Variants in PREX2 observed in about 807,000 individuals in gnomAD.
PREX2 encodes phosphatidylinositol-3,4,5-trisphosphate dependent Rac exchange factor 2.
PREX2 carries 107 observed loss-of-function variants against 203.2 expected under a neutral mutation model. The observed-to-expected ratio is 0.53, with a 90% CI of 0.45 to 0.62. The LOEUF (loss-of-function observed/expected upper bound fraction) is 0.62. Ranked by LOEUF, PREX2 falls within the 20% of genes least tolerant of loss-of-function variation. PREX2 has a pLI of 0.00. For synonymous variants in PREX2, 672 were observed against 663.6 expected, an observed-to-expected ratio of 1.01 and a Z score of -0.19; for missense variants, 1,777 against 1,955.9, an observed-to-expected ratio of 0.91 and a Z score of 1.72.
At position 68,234,108 on chromosome 8, in the gene PREX2, G is replaced by T. The variant is rs886298187; in HGVS notation, c.*2730G>T. On this transcript the variant is annotated 3_prime_UTR_variant, in exon 40 of 40. Coordinates refer to ENST00000288368, the MANE Select transcript of PREX2 (RefSeq NM_024870.4). The stretch of plus-strand genomic sequence containing the variant: ...CTCCTCATCAAAAATAACAGTTTTA[G>T]ATAGTACATCTCATACAACTTTATT... 7.2e-5 allele frequency: 11 copies of T among 152,160 alleles called. No individual in the cohort carries two copies. Among genetic ancestry groups the T allele is most frequent in the Admixed American group, 7.2e-4 (11 of 15,266 alleles). The allele number at this position is 152,160 out of a possible 1,614,324, so 9.4% of individuals were successfully genotyped here. A position where few individuals can be genotyped will look rare whatever the true frequency, so the allele number is the denominator to read the frequency against.
At chr8:67,952,637 C>G in intron 1 of PREX2, 102 bp downstream of exon 1, 1 of 1,470,496 alleles carries the variant, frequency 6.8e-7, no homozygotes. Flanking sequence ...TGCGGGGACC[C>G]GGGACGGGTC....
At chr8:67,959,727 G>C (rs955868315) in intron 1 of PREX2, among the ~76,000 whole-genome samples, 1 of 152,174 alleles carries the variant, frequency 6.6e-6, no homozygotes, top group Non-Finnish European at 1.5e-5. Flanking sequence ...TGCTTCTCCA[G>C]TGTACAGCTA....
At chr8:68,200,160 T>C (rs1203924134) in intron 37 of PREX2, among the ~76,000 whole-genome samples, 1 of 152,130 alleles carries the variant, frequency 6.6e-6, no homozygotes, top group Non-Finnish European at 1.5e-5. Flanking sequence ...TCAGAAGAAA[T>C]ATTTTTTCTA....
chr8:67,983,908 C>G (rs1006347223), intron 1 of PREX2, among the ~76,000 whole-genome samples: 3 of 152,140 alleles, frequency 2.0e-5, no homozygotes, highest in African/African-American at 7.2e-5. Flanking sequence ...CATAGGGTTG[C>G]TGTGAAGATT....
chr8:67,966,357 T>C (rs1805778773), intron 1 of PREX2, among the ~76,000 whole-genome samples: 1 of 152,130 alleles, frequency 6.6e-6, no homozygotes, highest in Non-Finnish European at 1.5e-5. Context: ...ATGTCACAAT[T>C]CAAAGTTCCA....
intron 6 of PREX2, among the ~76,000 whole-genome samples, chr8:68,037,346 T>C (rs750300206): frequency 6.1e-4 from 93 of 152,216 alleles, no homozygotes; most frequent in Admixed American, 2.6e-3. Flanking sequence ...GCATTAGTTA[T>C]GATAGATTAG....
intron 33 of PREX2, among the ~76,000 whole-genome samples, chr8:68,145,399 TAC>T (rs1322359751): frequency 6.6e-6 from 1 of 152,180 alleles, no homozygotes; most frequent in Non-Finnish European, 1.5e-5. Flanking sequence ...TACTTTTATA[TAC>T]AGTTTTATTT....
At chr8:67,998,258 A>T (rs549684968) in intron 1 of PREX2, among the ~76,000 whole-genome samples, 2 of 152,268 alleles carry the variant, frequency 1.3e-5, no homozygotes, top group South Asian at 2.1e-4. Flanking sequence ...TCTCAGAAGG[A>T]TGCCTCTAAG....
intron 29 of PREX2, 53 bp downstream of exon 29, chr8:68,120,339 G>A: frequency 1.6e-6 from 2 of 1,228,278 alleles, no homozygotes; most frequent in Admixed American, 1.7e-5. Context: ...CAAGGTGGTA[G>A]ACAATATAGT....
intron 20 of PREX2, 106 bp from the exon 21 acceptor site, chr8:68,093,499 C>G (rs1809956993): frequency 4.4e-6 from 2 of 459,076 alleles, no homozygotes; most frequent in Admixed American, 6.2e-5. Flanking sequence ...TCAAATTTTA[C>G]TAATTTTAAA....
At chr8:68,086,093 G>A (rs1439716698) in intron 18 of PREX2, among the ~76,000 whole-genome samples, 2 of 152,126 alleles carry the variant, frequency 1.3e-5, no homozygotes, top group Non-Finnish European at 2.9e-5. Context: ...GTTATTCAAA[G>A]GAAATGAATA....
chr8:68,159,192 A>G (rs988001576), intron 35 of PREX2, among the ~76,000 whole-genome samples: 2 of 152,202 alleles, frequency 1.3e-5, no homozygotes, highest in Non-Finnish European at 2.9e-5. Context: ...GCAAATAATA[A>G]AACTCAAAAA....
At chr8:68,173,148 GT>G (rs1811912211) in intron 35 of PREX2, among the ~76,000 whole-genome samples, 1 of 152,162 alleles carries the variant, frequency 6.6e-6, no homozygotes, top group Admixed American at 6.6e-5. Flanking sequence ...CATAAAAATA[GT>G]TGAATTGAAT....
At chr8:68,047,469 T>TTATATATA (rs3056653) in intron 8 of PREX2, among the ~76,000 whole-genome samples, 37 of 117,594 alleles carry the variant, frequency 3.1e-4, no homozygotes, top group Non-Finnish European at 4.5e-4. Context: ...ATGGATGAAT[T>TTATATATA]TATATATATA....
chr8:68,047,466 AATTTATATATAT>A (rs1487216580), intron 8 of PREX2, among the ~76,000 whole-genome samples: 7 of 64,210 alleles, frequency 1.1e-4, no homozygotes, highest in Non-Finnish European at 1.4e-4. Context: ...AAAATGGATG[AATTTATATATAT>A]ATATATATAT....
chr8:68,057,375 C>T (rs996512974), intron 10 of PREX2, among the ~76,000 whole-genome samples: 3 of 152,112 alleles, frequency 2.0e-5, no homozygotes, highest in Non-Finnish European at 2.9e-5. Flanking sequence ...GACTAATACA[C>T]CCAGTCTCAG....
At chr8:68,154,607 G>A (rs1811505797) in intron 34 of PREX2, among the ~76,000 whole-genome samples, 1 of 152,194 alleles carries the variant, frequency 6.6e-6, no homozygotes, top group African/African-American at 2.4e-5. Context: ...TATTTTATCA[G>A]GGAGAGTTTC....
chr8:68,208,551 C>T (rs1268707756), intron 37 of PREX2, among the ~76,000 whole-genome samples: 3 of 152,146 alleles, frequency 2.0e-5, no homozygotes, highest in African/African-American at 7.2e-5. Context: ...TCTAACACAT[C>T]TGTTTCATGC....
At chr8:68,231,303 C>T in intron 39 of PREX2, 30 bp from the exon 40 acceptor site, 1 of 1,544,670 alleles carries the variant, frequency 6.5e-7, no homozygotes, top group Non-Finnish European at 8.7e-7. Flanking sequence ...TACACTAAGT[C>T]ACTGTCAAAC....
Sources: gnomAD v4.1 joint callset for allele counts (sites outside exome capture counted in the v4.1 genomes callset) on GRCh38, gnomAD v4.1.1 for gene constraint, MANE v1.5 for transcripts, NCBI Gene and HGNC (gene_info 2026-07-23, HGNC 2026-07-21) for gene names.